Variants in PCDHA2 observed in about 807,000 individuals in gnomAD.
PCDHA2 encodes the protein protocadherin alpha-2.
PCDHA2 carries 58 observed loss-of-function variants against 66.0 expected under a neutral mutation model. That is an observed-to-expected ratio of 0.88 (90% CI 0.71 to 1.09). The LOEUF is 1.09. Ranked by LOEUF, PCDHA2 falls within the 50% of genes least tolerant of loss-of-function variation. PCDHA2 has a pLI of 0.00. For synonymous variants in PCDHA2, 634 were observed against 554.0 expected (o/e 1.14, Z -2.03); for missense variants, 1,267 against 1,242.3 (o/e 1.02, Z -0.30).
intron 1 of PCDHA2, among the ~76,000 whole-genome samples, chr5:140,951,775 A>G (rs1554220072): frequency 1.3e-5 from 2 of 152,164 alleles, no homozygotes; most frequent in African/African-American, 4.8e-5. Context: ...ACGTTCTTAC[A>G]TTGCAAAATA....
intron 1 of PCDHA2, chr5:140,884,831 A>G (rs918582598): frequency 4.3e-6 from 4 of 939,604 alleles, no homozygotes; most frequent in Non-Finnish European, 6.0e-6. Flanking sequence ...GTGTTGGATT[A>G]TCCTTCAGAG....
chr5:140,870,218 G>A, intron 1 of PCDHA2: 1 of 1,614,172 alleles, frequency 6.2e-7, no homozygotes, highest in Non-Finnish European at 8.5e-7. Context: ...GCCCTGATCA[G>A]CGTGTCTGAC....
intron 1 of PCDHA2, chr5:140,834,328 T>C (rs2150127559): frequency 6.9e-7 from 1 of 1,451,502 alleles, no homozygotes; most frequent in Non-Finnish European, 9.4e-7. Flanking sequence ...ATAAAAACAT[T>C]CCTATAAATT....
intron 1 of PCDHA2, chr5:140,859,219 T>G (rs901080538): frequency 2.0e-5 from 3 of 149,830 alleles, no homozygotes; most frequent in African/African-American, 4.9e-5. Context: ...CTCTTTCACT[T>G]TAAGGAAGGA....
intron 1 of PCDHA2, chr5:140,927,514 G>T: frequency 6.2e-7 from 1 of 1,614,056 alleles, no homozygotes; most frequent in Non-Finnish European, 8.5e-7. Flanking sequence ...AGCTCGGGAC[G>T]GCGGGCTACC....
Position 140,836,203 on chromosome 5 carries a change from T to G in PCDHA2, c.2388+38851T>G, listed in dbSNP as rs2150255288. The G allele has an allele frequency of 4.3e-6, 7 of 1,613,840 alleles. 1 individual carries two copies. The highest frequency in any genetic ancestry group is 1.7e-5 in the Admixed American group (1 of 60,022). On this transcript the variant is annotated intron_variant, in intron 1 of 3. Coordinates refer to ENST00000526136, the MANE Select transcript of PCDHA2 (RefSeq NM_018905.3). Reference sequence around the variant, plus strand: ...GCTGACTCAGGCTACAACGCGTGGCTTTCGTATGAGTTGCAACCGGTGGCG... The same window carrying G: ...GCTGACTCAGGCTACAACGCGTGGCGTTCGTATGAGTTGCAACCGGTGGCG...
intron 1 of PCDHA2, among the ~76,000 whole-genome samples, chr5:140,941,235 C>CT: frequency 7.4e-6 from 1 of 135,248 alleles, no homozygotes; most frequent in Non-Finnish European, 1.6e-5. Context: ...TTCTTTCTTT[C>CT]TTTCTTTCTT....
chr5:140,952,219 C>T (rs1442706652), intron 1 of PCDHA2, among the ~76,000 whole-genome samples: 24 of 152,086 alleles, frequency 1.6e-4, no homozygotes, highest in African/African-American at 4.8e-4. Flanking sequence ...CTTTTCCAGG[C>T]ACAGTGTGCA....
chr5:140,803,213 T>C, intron 1 of PCDHA2: 2 of 1,613,656 alleles, frequency 1.2e-6, no homozygotes, highest in Non-Finnish European at 1.7e-6. Flanking sequence ...TGGTGGAGAG[T>C]GGCCAGGCAC....
At chr5:140,809,475 GC>G (rs781959582) in intron 1 of PCDHA2, 1 of 1,614,216 alleles carries the variant, frequency 6.2e-7, no homozygotes, top group Non-Finnish European at 8.5e-7. Context: ...TCTGGTGAGG[GC>G]CCACCCAAGA....
At chr5:140,802,315 G>A (rs782357287) in intron 1 of PCDHA2, 1 of 1,614,248 alleles carries the variant, frequency 6.2e-7, no homozygotes, top group East Asian at 2.2e-5. Context: ...GCTCTGATCA[G>A]CGTGTCCGAC....
chr5:140,997,831 A>G (rs938860065), intron 3 of PCDHA2, among the ~76,000 whole-genome samples: 3 of 152,210 alleles, frequency 2.0e-5, no homozygotes, highest in African/African-American at 4.8e-5. Context: ...TTTCTAAACA[A>G]TACAATATAC....
chr5:140,990,895 G>A (rs550774822), intron 3 of PCDHA2, among the ~76,000 whole-genome samples: 15 of 152,284 alleles, frequency 9.9e-5, no homozygotes, highest in Non-Finnish European at 1.9e-4. Flanking sequence ...GTGGGTCGTT[G>A]CTGGGTCAAG....
At position 140,796,102 on chromosome 5, in the gene PCDHA2, G is replaced by A. The variant is rs1554119701; in HGVS notation, c.1138G>A (p.Gly380Ser). Residue 380 changes from glycine to serine, a missense_variant, in exon 1 of 4, where the codon GGT becomes AGT. By Grantham distance (56) the Gly-to-Ser change is moderately conservative. Coordinates refer to ENST00000526136, the MANE Select transcript of PCDHA2 (RefSeq NM_018905.3). ...CATCACGGTGTCGGATCGCGACTCT[G>A]GTACGAATGGACATGTCACCTGCTC... ...ALITVSDRDS[G>S]TNGHVTCSLT... is the part of the protein sequence containing the mutation. The A allele has an allele frequency of 6.2e-7, 1 of 1,614,188 alleles. No individual in the cohort carries two copies. Among genetic ancestry groups the A allele is most frequent in the Admixed American group, 1.7e-5 (1 of 60,034 alleles).
intron 1 of PCDHA2, among the ~76,000 whole-genome samples, chr5:140,936,591 G>T (rs1188475668): frequency 6.6e-6 from 1 of 152,180 alleles, no homozygotes; most frequent in Non-Finnish European, 1.5e-5. Context: ...CAGTTAGATT[G>T]CCTACTTTCC....
At chr5:140,833,148 T>A (rs145941830) in intron 1 of PCDHA2, among the ~76,000 whole-genome samples, 2 of 152,132 alleles carry the variant, frequency 1.3e-5, no homozygotes, top group Admixed American at 1.3e-4. Context: ...TGTGAAGCAA[T>A]ACGAATAAAA....
intron 1 of PCDHA2, chr5:140,876,947 A>C: frequency 6.2e-7 from 1 of 1,613,496 alleles, no homozygotes; most frequent in Non-Finnish European, 8.5e-7. Flanking sequence ...CTGGTGTCCT[A>C]CTCGCTGGTG....
chr5:140,966,820 G>A, intron 1 of PCDHA2: 1 of 1,557,392 alleles, frequency 6.4e-7, no homozygotes, highest in Non-Finnish European at 8.7e-7. Context: ...GGCTCCGGCG[G>A]CCCATGCCCT....
chr5:140,802,506 G>T (rs533106648), intron 1 of PCDHA2: 2 of 1,614,062 alleles, frequency 1.2e-6, no homozygotes. Context: ...TTCACTGTGG[G>T]CCACGGCCAG....
Sources: gnomAD v4.1 joint callset for allele counts (sites outside exome capture counted in the v4.1 genomes callset) on GRCh38, gnomAD v4.1.1 for gene constraint, MANE v1.5 for transcripts, NCBI Gene and HGNC (gene_info 2026-07-23, HGNC 2026-07-21) for gene names.